The following SGCZ variants were observed in gnomAD, a reference collection of about 807,000 sequenced individuals.
The protein encoded by SGCZ is sarcoglycan zeta.
SGCZ carries 40 observed loss-of-function variants against 41.3 expected under a neutral mutation model. The ratio of observed to expected loss-of-function variants is 0.97; its 90% CI spans 0.75 to 1.26. The LOEUF (loss-of-function observed/expected upper bound fraction) is 1.26, where lower values mean the gene tolerates loss of function less well. Among genes scored for constraint, SGCZ ranks in the 50% most tolerant of loss-of-function variants. The pLI, the probability that SGCZ is intolerant of heterozygous loss-of-function variation, is 0.00. For synonymous variants in SGCZ, 206 were observed against 137.5 expected, an observed-to-expected ratio of 1.50 and a Z score of -3.49; for missense variants, 552 against 369.8, an observed-to-expected ratio of 1.49 and a Z score of -4.04.
At chr8:14,602,932 T>C (rs947391386) in intron 1 of SGCZ, among the ~76,000 whole-genome samples, 2 of 152,282 alleles carry the variant, frequency 1.3e-5, no homozygotes, top group East Asian at 3.9e-4. Flanking sequence ...AAGCAAGCCA[T>C]GATTGTCACA....
chr8:14,340,289 A>G (rs867181515), intron 2 of SGCZ, among the ~76,000 whole-genome samples: 3 of 152,162 alleles, frequency 2.0e-5, no homozygotes, highest in Non-Finnish European at 1.5e-5. Context: ...CAAGGAAAAT[A>G]TGACCAAAAA....
chr8:14,887,678 T>C (rs1221819488), intron 1 of SGCZ, among the ~76,000 whole-genome samples: 1 of 152,112 alleles, frequency 6.6e-6, no homozygotes. Context: ...TAAACAATAA[T>C]GAACATAGCA....
intron 3 of SGCZ, among the ~76,000 whole-genome samples, chr8:14,312,166 T>A (rs893747030): frequency 1.3e-5 from 2 of 152,136 alleles, no homozygotes; most frequent in Non-Finnish European, 2.9e-5. Flanking sequence ...TATAATTAAA[T>A]TAGAATAGAT....
At chr8:14,732,861 C>G (rs1199072518) in intron 1 of SGCZ, among the ~76,000 whole-genome samples, 1 of 152,092 alleles carries the variant, frequency 6.6e-6, no homozygotes, top group Non-Finnish European at 1.5e-5. Context: ...TTTATACCAA[C>G]AGTATAATGA....
intron 2 of SGCZ, among the ~76,000 whole-genome samples, chr8:14,550,590 C>T (rs994652398): frequency 6.6e-6 from 1 of 151,862 alleles, no homozygotes; most frequent in Non-Finnish European, 1.5e-5. Flanking sequence ...GAATTATGAA[C>T]CTTGGTGTTC....
At chr8:14,232,241 T>G (rs1359914029) in intron 4 of SGCZ, among the ~76,000 whole-genome samples, 1 of 151,934 alleles carries the variant, frequency 6.6e-6, no homozygotes, top group Non-Finnish European at 1.5e-5. Context: ...TTGTGGCCCA[T>G]CTGATTATCA....
chr8:14,365,310 C>A (rs1006053771), intron 2 of SGCZ, among the ~76,000 whole-genome samples: 3 of 152,066 alleles, frequency 2.0e-5, no homozygotes, highest in African/African-American at 4.8e-5. Context: ...TAGTTAATTA[C>A]TTTAGTTAAA....
intron 1 of SGCZ, among the ~76,000 whole-genome samples, chr8:15,006,572 G>T (rs1802611492): frequency 6.6e-6 from 1 of 152,108 alleles, no homozygotes; most frequent in African/African-American, 2.4e-5. Context: ...TAATTAACCA[G>T]TCTCTGCTGC....
At chr8:14,957,347 A>G (rs924814031) in intron 1 of SGCZ, among the ~76,000 whole-genome samples, 5 of 152,056 alleles carry the variant, frequency 3.3e-5, no homozygotes, top group Non-Finnish European at 7.4e-5. Context: ...GTATATGTGA[A>G]ATAGCTTCAG....
intron 5 of SGCZ, among the ~76,000 whole-genome samples, chr8:14,163,287 T>C (rs1430177433): frequency 6.6e-6 from 1 of 152,128 alleles, no homozygotes; most frequent in Non-Finnish European, 1.5e-5. Flanking sequence ...CTAATACTTA[T>C]TCGTTATTTT....
chr8:14,634,284 T>C (rs1806755528), intron 1 of SGCZ, among the ~76,000 whole-genome samples: 1 of 151,874 alleles, frequency 6.6e-6, no homozygotes, highest in African/African-American at 2.4e-5. Flanking sequence ...AAAACAGCAT[T>C]CTTTGTTATT....
intron 2 of SGCZ, among the ~76,000 whole-genome samples, chr8:14,364,807 T>C (rs928322371): frequency 6.6e-6 from 1 of 152,146 alleles, no homozygotes; most frequent in African/African-American, 2.4e-5. Flanking sequence ...TGTCAATCGT[T>C]TATAATCTTT....
chr8:14,391,886 T>C (rs950718279), intron 2 of SGCZ, among the ~76,000 whole-genome samples: 1 of 152,044 alleles, frequency 6.6e-6, no homozygotes, highest in Non-Finnish European at 1.5e-5. Context: ...GTTTAAATGC[T>C]CCTGCCATGT....
At chr8:14,323,199 T>A (rs571918207) in intron 3 of SGCZ, among the ~76,000 whole-genome samples, 2 of 152,212 alleles carry the variant, frequency 1.3e-5, no homozygotes, top group East Asian at 3.9e-4. Flanking sequence ...TTCATTTTCA[T>A]ACTTAAGGAA....
chr8:14,451,381 G>T (rs1003046041), intron 2 of SGCZ, among the ~76,000 whole-genome samples: 1 of 152,138 alleles, frequency 6.6e-6, no homozygotes. Flanking sequence ...TTATTTCAGG[G>T]TACAGTGTTA....
intron 4 of SGCZ, 57 bp downstream of exon 4, chr8:14,237,535 A>C: frequency 1.3e-6 from 2 of 1,510,346 alleles, no homozygotes; most frequent in East Asian, 2.3e-5. Flanking sequence ...AAAAACCAAA[A>C]ACAACAACAA....
chr8:14,702,864 G>C (rs981991992), intron 1 of SGCZ, among the ~76,000 whole-genome samples: 2 of 136,580 alleles, frequency 1.5e-5, no homozygotes, highest in Non-Finnish European at 3.3e-5. Flanking sequence ...TAGATAGATA[G>C]ATAGATAGAT....
chr8:14,438,232 G>T (rs191943716), intron 2 of SGCZ, among the ~76,000 whole-genome samples: 27 of 152,042 alleles, frequency 1.8e-4, no homozygotes, highest in Admixed American at 1.6e-3. Context: ...AGTTCTAGAT[G>T]ATTAAGTTCT....
intron 1 of SGCZ, among the ~76,000 whole-genome samples, chr8:14,594,221 T>TA (rs1554459566): frequency 3.1e-4 from 38 of 123,036 alleles, no homozygotes; most frequent in Non-Finnish European, 5.0e-4. Flanking sequence ...AATAAATAAA[T>TA]AAATAAAATA....
Sources: allele counts gnomAD v4.1 joint callset (sites outside exome capture counted in the v4.1 genomes callset), GRCh38; gene constraint gnomAD v4.1.1; transcripts MANE v1.5; gene names NCBI Gene and HGNC (gene_info 2026-07-23, HGNC 2026-07-21).